DNM3: variants seen among roughly 807,000 people sequenced by gnomAD.
DNM3 encodes dynamin 3.
A neutral mutation model predicts 101.6 loss-of-function variants in DNM3; 47 were observed. That is an observed-to-expected ratio of 0.46 (90% CI 0.37 to 0.59). DNM3 has a LOEUF of 0.59. Among genes scored for constraint, DNM3 ranks in the 20% least tolerant of loss-of-function variants. The probability of loss-of-function intolerance (pLI) is 0.00; values close to 1 mark genes in which losing one functional copy is unlikely to be tolerated. For synonymous variants in DNM3, 385 were observed against 387.9 expected (o/e 0.99, Z 0.09); for missense variants, 849 against 1,085.7 (o/e 0.78, Z 3.06).
At chr1:172,075,469 C>T (rs1167343866) in intron 11 of DNM3, among the ~76,000 whole-genome samples, 2 of 152,220 alleles carry the variant, frequency 1.3e-5, no homozygotes, top group East Asian at 3.9e-4. Context: ...GTCTTTAATC[C>T]ATCCTGAGTC....
At chr1:172,223,136 A>G (rs1485280206) in intron 14 of DNM3, among the ~76,000 whole-genome samples, 8 of 152,138 alleles carry the variant, frequency 5.3e-5, no homozygotes, top group South Asian at 4.2e-4. Context: ...ATTGTTAACT[A>G]TAGTCACCAT....
chr1:172,273,189 C>A (rs2063149238), intron 15 of DNM3, among the ~76,000 whole-genome samples: 1 of 151,912 alleles, frequency 6.6e-6, no homozygotes, highest in Non-Finnish European at 1.5e-5. Context: ...TGTTTCTTTG[C>A]ATTAGATGCC....
At chr1:172,287,711 T>A (rs2063751906) in intron 15 of DNM3, among the ~76,000 whole-genome samples, 2 of 151,786 alleles carry the variant, frequency 1.3e-5, no homozygotes, top group South Asian at 4.2e-4. Context: ...AACCTCCAAT[T>A]TGAATGGTTG....
chr1:172,356,651 A>G (rs968949131), intron 17 of DNM3, among the ~76,000 whole-genome samples: 1 of 152,056 alleles, frequency 6.6e-6, no homozygotes, highest in African/African-American at 2.4e-5. Flanking sequence ...AGACATTATT[A>G]TATTAAAGTT....
chr1:172,178,816 G>A (rs1448269130), intron 14 of DNM3, among the ~76,000 whole-genome samples: 2 of 151,918 alleles, frequency 1.3e-5, no homozygotes, highest in East Asian at 3.9e-4. Context: ...CAATACAATG[G>A]TAAAGACAGA....
At chr1:171,895,675 G>A (rs1303637562) in intron 1 of DNM3, among the ~76,000 whole-genome samples, 3 of 152,030 alleles carry the variant, frequency 2.0e-5, no homozygotes, top group Non-Finnish European at 2.9e-5. Context: ...GGCTTTTGTT[G>A]CCATTGCTTT....
chr1:172,198,950 C>T (rs988968823), intron 14 of DNM3, among the ~76,000 whole-genome samples: 2 of 151,978 alleles, frequency 1.3e-5, no homozygotes, highest in African/African-American at 4.8e-5. Context: ...CTTCTGCTAG[C>T]TTTGGGATTG....
chr1:172,029,421 T>G (rs905483127), intron 4 of DNM3, among the ~76,000 whole-genome samples: 7 of 152,130 alleles, frequency 4.6e-5, no homozygotes, highest in African/African-American at 9.7e-5. Flanking sequence ...TAATAAGAGC[T>G]ATTTATGACA....
At chr1:171,866,909 T>C (rs568916617) in intron 1 of DNM3, among the ~76,000 whole-genome samples, 2 of 152,328 alleles carry the variant, frequency 1.3e-5, no homozygotes, top group East Asian at 3.9e-4. Context: ...ACATAGATCA[T>C]GTAGGTATCA....
At chr1:172,248,651 C>A (rs143470026) in intron 14 of DNM3, among the ~76,000 whole-genome samples, 99 of 151,830 alleles carry the variant, frequency 6.5e-4, no homozygotes, top group African/African-American at 2.3e-3. Flanking sequence ...AAATAGAAGA[C>A]AACACAAAGG....
At chr1:171,901,572 G>A (rs1412970159) in intron 1 of DNM3, among the ~76,000 whole-genome samples, 1 of 152,078 alleles carries the variant, frequency 6.6e-6, no homozygotes, top group Non-Finnish European at 1.5e-5. Flanking sequence ...ACGAAGGAGG[G>A]ACAGACATGT....
At chr1:172,279,785 C>T (rs749412529) in intron 15 of DNM3, among the ~76,000 whole-genome samples, 7 of 152,102 alleles carry the variant, frequency 4.6e-5, no homozygotes, top group Non-Finnish European at 8.8e-5. Flanking sequence ...CTTTCTTACC[C>T]CTTGGCCTCA....
intron 16 of DNM3, among the ~76,000 whole-genome samples, chr1:172,315,081 A>G (rs531372130): frequency 6.6e-6 from 1 of 152,332 alleles, no homozygotes; most frequent in Admixed American, 6.5e-5. Flanking sequence ...TTCGCGGTTC[A>G]TGAAAATCCA....
intron 10 of DNM3, among the ~76,000 whole-genome samples, chr1:172,058,299 C>T (rs1210783293): frequency 6.6e-6 from 1 of 151,750 alleles, no homozygotes; most frequent in African/African-American, 2.4e-5. Flanking sequence ...GACAGAAACT[C>T]AACAAGGATA....
chr1:172,185,419 G>C (rs1308558037), intron 14 of DNM3, among the ~76,000 whole-genome samples: 3 of 152,102 alleles, frequency 2.0e-5, no homozygotes, highest in African/African-American at 4.8e-5. Flanking sequence ...TTACATTTAA[G>C]TTGAACTGTG....
At chr1:172,315,187 G>A (rs997296143) in intron 16 of DNM3, among the ~76,000 whole-genome samples, 15 of 152,198 alleles carry the variant, frequency 9.9e-5, no homozygotes, top group Non-Finnish European at 1.9e-4. Context: ...GGTCCTGTCT[G>A]TTAAAAGGAA....
chr1:172,304,540 A>G (rs1458113580), intron 15 of DNM3, among the ~76,000 whole-genome samples: 1 of 152,184 alleles, frequency 6.6e-6, no homozygotes, highest in Non-Finnish European at 1.5e-5. Context: ...GACCTAATAG[A>G]CATCTACAGA....
In DNM3 at chr1:172,409,566, C is replaced by T. The variant is rs1055909489; in HGVS notation, c.*1725C>T. The T allele has an allele frequency of 3.1e-5, 31 of 985,132 alleles. No individual in the cohort carries two copies. Among genetic ancestry groups the T allele is most frequent in the Non-Finnish European group, 3.7e-5 (31 of 829,802 alleles). 61.0% of individuals were successfully genotyped at this position (985,132 alleles called of 1,614,324 possible). ...AAAACATCACAATCCTAAATCCTCT[C>T]GTATCTCACCCCAAACCCCAAACTG... On this transcript the variant is annotated 3_prime_UTR_variant, in exon 21 of 21. Coordinates refer to ENST00000627582, the MANE Select transcript of DNM3 (RefSeq NM_015569.5).
intron 17 of DNM3, among the ~76,000 whole-genome samples, chr1:172,373,739 A>T (rs1474267086): frequency 6.6e-6 from 1 of 152,044 alleles, no homozygotes; most frequent in Non-Finnish European, 1.5e-5. Flanking sequence ...CAGGCAACAT[A>T]CACACATTCA....
Sources: allele counts gnomAD v4.1 joint callset (sites outside exome capture counted in the v4.1 genomes callset), GRCh38; gene constraint gnomAD v4.1.1; transcripts MANE v1.5; gene names NCBI Gene and HGNC (gene_info 2026-07-23, HGNC 2026-07-21).